Variants in SNTG2 observed in about 807,000 individuals in gnomAD.
The protein encoded by SNTG2 is gamma-2-syntrophin.
SNTG2 carries 74 observed loss-of-function variants against 70.9 expected under a neutral mutation model. The observed-to-expected ratio is 1.04, with a 90% CI of 0.86 to 1.27. The LOEUF is 1.27. Among genes scored for constraint, SNTG2 ranks in the 50% most tolerant of loss-of-function variants. SNTG2 has a pLI of 0.00. For missense variants in SNTG2, 717 were observed against 690.7 expected, an observed-to-expected ratio of 1.04 and a Z score of -0.43; for synonymous variants, 278 against 273.8, an observed-to-expected ratio of 1.02 and a Z score of -0.15.
intron 9 of SNTG2, among the ~76,000 whole-genome samples, chr2:1,230,318 G>T (rs1044629263): frequency 6.6e-6 from 1 of 152,208 alleles, no homozygotes. Flanking sequence ...GGGCAGCCAG[G>T]ATCAGAGGGA....
At chr2:1,035,747 A>G (rs757949224) in intron 1 of SNTG2, among the ~76,000 whole-genome samples, 2 of 152,182 alleles carry the variant, frequency 1.3e-5, no homozygotes, top group Admixed American at 6.5e-5. Flanking sequence ...CCTACTTTAT[A>G]TATCTAAAGT....
chr2:1,112,498 G>A (rs367866904), intron 4 of SNTG2, among the ~76,000 whole-genome samples: 2 of 151,254 alleles, frequency 1.3e-5, no homozygotes, highest in South Asian at 2.1e-4. Flanking sequence ...GTGAAGGATC[G>A]TGTGTACTAA....
At chr2:1,268,213 T>C (rs1365835009) in intron 14 of SNTG2, among the ~76,000 whole-genome samples, 1 of 152,206 alleles carries the variant, frequency 6.6e-6, no homozygotes, top group East Asian at 1.9e-4. Context: ...AGGAGATAAA[T>C]GAGGCAGCGC....
chr2:1,113,701 A>G (rs1157596952), intron 4 of SNTG2, among the ~76,000 whole-genome samples: 3 of 149,432 alleles, frequency 2.0e-5, no homozygotes, highest in Non-Finnish European at 4.4e-5. Flanking sequence ...TCCTTTGAGG[A>G]GGATCATGGG....
At chr2:1,283,206 T>C (rs1180005784) in intron 14 of SNTG2, among the ~76,000 whole-genome samples, 2 of 152,096 alleles carry the variant, frequency 1.3e-5, no homozygotes, top group African/African-American at 2.4e-5. Context: ...CCCTAACTCC[T>C]CAGCCGCATC....
At chr2:1,079,270 A>G (rs372361425) in intron 1 of SNTG2, among the ~76,000 whole-genome samples, 38 of 141,382 alleles carry the variant, frequency 2.7e-4, no homozygotes, top group African/African-American at 9.1e-4. Flanking sequence ...TGATGTCTCC[A>G]GGGCACAGGA....
chr2:1,223,289 C>T (rs1421313085), intron 9 of SNTG2, among the ~76,000 whole-genome samples: 2 of 149,794 alleles, frequency 1.3e-5, no homozygotes, highest in African/African-American at 2.4e-5. Flanking sequence ...TCTCCCTGTC[C>T]TGCCTGCTGC....
At chr2:1,221,083 C>T (rs1200843279) in intron 9 of SNTG2, among the ~76,000 whole-genome samples, 3 of 152,260 alleles carry the variant, frequency 2.0e-5, no homozygotes, top group Admixed American at 1.3e-4. Context: ...AATTCAGAAT[C>T]ATTCTTGAGA....
rs1421049750 is a variant in SNTG2 at position 980,861 on chromosome 2, A to G, written c.72+29793A>G. On this transcript the variant is annotated intron_variant, in intron 1 of 16. Coordinates refer to ENST00000308624, the MANE Select transcript of SNTG2 (RefSeq NM_018968.4). ...GGATAGTAGCTTCTTTTCCCCATCC[A>G]TGCTGTCAGTACTACGTTCCAGATA... Among the ~76,000 whole-genome samples the G allele has an allele frequency of 2.6e-5, 4 of 152,356 alleles. No individual in the cohort carries two copies. The East Asian group carries it at 5.8e-4, about 22-fold the overall frequency.
chr2:1,028,212 A>C (rs1660600013), intron 1 of SNTG2, among the ~76,000 whole-genome samples: 1 of 148,684 alleles, frequency 6.7e-6, no homozygotes, highest in African/African-American at 2.6e-5. Context: ...CTGTTGAGTA[A>C]AGAGGTAAGC....
chr2:970,585 A>G (rs546929605), intron 1 of SNTG2, among the ~76,000 whole-genome samples: 213 of 143,936 alleles, frequency 1.5e-3, no homozygotes, highest in Non-Finnish European at 2.4e-3. Flanking sequence ...ATGTCCCTAC[A>G]AAGGACATGA....
chr2:1,285,544 C>T (rs1679731101), intron 14 of SNTG2, among the ~76,000 whole-genome samples: 1 of 152,094 alleles, frequency 6.6e-6, no homozygotes, highest in South Asian at 2.1e-4. Context: ...TAAATGCTGA[C>T]ATGAAGGCAA....
At chr2:1,215,339 G>C (rs958235086) in intron 9 of SNTG2, among the ~76,000 whole-genome samples, 7 of 152,094 alleles carry the variant, frequency 4.6e-5, no homozygotes, top group Non-Finnish European at 1.5e-5. Context: ...TTATTTGGTA[G>C]AATTCAGCAG....
At chr2:1,242,387 G>A (rs543133256) in intron 11 of SNTG2, among the ~76,000 whole-genome samples, 36 of 152,138 alleles carry the variant, frequency 2.4e-4, no homozygotes, top group African/African-American at 8.4e-4. Flanking sequence ...ACTGAAATTG[G>A]CAAACAAAAA....
intron 1 of SNTG2, among the ~76,000 whole-genome samples, chr2:962,258 G>T (rs556483549): frequency 6.6e-6 from 1 of 151,296 alleles, no homozygotes; most frequent in African/African-American, 2.4e-5. Context: ...CTTTTATACC[G>T]ATGGGGTCCC....
intron 14 of SNTG2, among the ~76,000 whole-genome samples, chr2:1,297,653 C>T (rs1224508511): frequency 6.6e-6 from 1 of 152,220 alleles, no homozygotes; most frequent in Non-Finnish European, 1.5e-5. Flanking sequence ...CAGTTCCTTC[C>T]TGGCTCTTGT....
rs528440328 is a variant in SNTG2 at position 1,076,866 on chromosome 2, T to G, written c.73-6652T>G. ...ATGCATTTTCATAATTTTAAAATTA[T>G]AAACATTTGCATAAATTATTAATGT... On this transcript the variant is annotated intron_variant, in intron 1 of 16. Coordinates refer to ENST00000308624, the MANE Select transcript of SNTG2 (RefSeq NM_018968.4). Among the ~76,000 whole-genome samples, 7 of 152,342 alleles carry G rather than the reference T, an allele frequency of 4.6e-5. No homozygotes were observed. In the East Asian group the frequency reaches 1.3e-3, roughly 29 times the overall value.
chr2:1,105,219 T>C (rs4450632), intron 4 of SNTG2, among the ~76,000 whole-genome samples: 26,319 of 150,692 alleles, frequency 0.17, 2,546 homozygotes, highest in African/African-American at 0.25. Context: ...TTGGTGGGGG[T>C]GGGGTGAGTG....
chr2:1,337,788 G>A (rs1659893883), intron 16 of SNTG2, among the ~76,000 whole-genome samples: 1 of 152,126 alleles, frequency 6.6e-6, no homozygotes, highest in Non-Finnish European at 1.5e-5. Flanking sequence ...CAAACCCAAT[G>A]TCATAAGTGT....
Sources: allele counts gnomAD v4.1 joint callset (sites outside exome capture counted in the v4.1 genomes callset), GRCh38; gene constraint gnomAD v4.1.1; transcripts MANE v1.5; gene names NCBI Gene and HGNC (gene_info 2026-07-23, HGNC 2026-07-21).